The following TNRC18 variants were observed in gnomAD, a reference collection of about 807,000 sequenced individuals.
The protein encoded by TNRC18 is trinucleotide repeat containing 18.
Under a neutral mutation model 226.7 loss-of-function variants are expected in TNRC18, and 69 were observed. The observed-to-expected ratio is 0.30, with a 90% CI of 0.25 to 0.37. TNRC18 has a LOEUF of 0.37. Among genes scored for constraint, TNRC18 ranks in the 10% least tolerant of loss-of-function variants. TNRC18 has a pLI of 1.00. For missense variants in TNRC18, 4,754 were observed against 4,256.6 expected (o/e 1.12, Z -3.25); for synonymous variants, 2,449 against 1,927.6 (o/e 1.27, Z -7.09).
In TNRC18 at chr7:5,362,574, G is replaced by T. The variant is rs1328906837; in HGVS notation, c.4395+76C>A. The stretch of plus-strand genomic sequence containing the variant: ...GCCAAAGCCAGCCACGCCCCAGGCA[G>T]TAGGGCACCTCCACAGAGGGGCCTC... On this transcript the variant is annotated intron_variant, in intron 12 of 29. Coordinates refer to ENST00000430969, the MANE Select transcript of TNRC18 (RefSeq NM_001080495.3). 2.9e-6 allele frequency: 4 copies of T among 1,375,306 alleles called. No homozygotes were observed. In the South Asian group the frequency reaches 5.9e-5, roughly 20 times the overall value. 85.2% of individuals were successfully genotyped at this position (1,375,306 alleles called of 1,614,324 possible). A position where few individuals can be genotyped will look rare whatever the true frequency, so the allele number is the denominator to read the frequency against.
intron 21 of TNRC18, among the ~76,000 whole-genome samples, chr7:5,322,346 T>C (rs1163731035): frequency 6.6e-6 from 1 of 152,044 alleles, no homozygotes; most frequent in Non-Finnish European, 1.5e-5. Context: ...TCATCCAGCC[T>C]ACAGTGCAGT....
At chr7:5,408,266 T>TCCAGCCTGG (rs1781609484) in intron 2 of TNRC18, among the ~76,000 whole-genome samples, 1 of 139,578 alleles carries the variant, frequency 7.2e-6, no homozygotes, top group South Asian at 2.2e-4. Flanking sequence ...GCCACTGCAC[T>TCCAGCCTGG]CCAGCCTGGC....
chr7:5,412,901 C>T (rs1438780983), intron 2 of TNRC18, among the ~76,000 whole-genome samples: 3 of 152,166 alleles, frequency 2.0e-5, no homozygotes, highest in Non-Finnish European at 4.4e-5. Flanking sequence ...TTGCTTATCC[C>T]CTGAAAAAAC....
rs759667808 is a variant in TNRC18, at chr7:5,376,722, G to A, written c.2608+125C>T. ...GCAACAGATGTTCTCTCTGAACCCC[G>A]GTCCGCCTCCCCAGCCCCAGATCTG... On this transcript the variant is annotated intron_variant, in intron 8 of 29. Transcript: ENST00000430969. The A allele has an allele frequency of 9.4e-5, 111 of 1,176,538 alleles. 1 individual carries two copies. The highest frequency in any genetic ancestry group is 2.6e-4 in the African/African-American group (17 of 64,704). 72.9% of individuals were successfully genotyped at this position (1,176,538 alleles called of 1,614,324 possible). A position where few individuals can be genotyped will look rare whatever the true frequency, so the allele number is the denominator to read the frequency against.
At position 5,390,958 on chromosome 7, in the gene TNRC18, A is replaced by G. The variant is rs183722530; in HGVS notation, c.344-330T>C. Reference sequence around the variant, plus strand: ...CATCCTCATTTAAACCTCAAAAACAACCTATAAGGAAGAGACTTAATGTCC... The same window carrying G: ...CATCCTCATTTAAACCTCAAAAACAGCCTATAAGGAAGAGACTTAATGTCC... On this transcript the variant is annotated intron_variant, in intron 3 of 29. Transcript: ENST00000430969. Among the ~76,000 whole-genome samples, 58 of 152,192 alleles carry G rather than the reference A, an allele frequency of 3.8e-4. No homozygotes were observed. The East Asian group carries it at 0.01, about 26-fold the overall frequency.
chr7:5,370,916 A>G lies in TNRC18; in HGVS notation c.3678T>C (p.Pro1226=), dbSNP rs367837514. ...PSECPDFVEG[P]EPRVDSPGRT... ...GGCCCGGGGAATCCACCCGTGGTTC[A>G]GGCCCCTCCACAAAGTCTGGACACT... Residue 1226 remains proline, a synonymous_variant, in exon 11 of 30, where the codon CCT becomes CCC. Coordinates refer to ENST00000430969, the MANE Select transcript of TNRC18 (RefSeq NM_001080495.3). The G allele has an allele frequency of 8.1e-6, 13 of 1,605,554 alleles. No individual in the cohort carries two copies. The highest frequency in any genetic ancestry group is 1.7e-5 in the Admixed American group (1 of 60,020).
Position 5,320,515 on chromosome 7 carries a change from C to T in TNRC18, c.6636+17G>A, listed in dbSNP as rs374605459. The T allele has an allele frequency of 6.9e-6, 11 of 1,602,248 alleles. No individual in the cohort carries two copies. The highest frequency in any genetic ancestry group is 6.7e-5 in the African/African-American group (5 of 74,614). On this transcript the variant is annotated intron_variant, in intron 23 of 29. Coordinates refer to ENST00000430969, the MANE Select transcript of TNRC18 (RefSeq NM_001080495.3). ...GCCCACCCCGAGCCTCCCGAGGCCC[C>T]GCCCCTCCCCCCTCACCGCCTCCTG...
Position 5,345,517 on chromosome 7 carries a change from G to GCCCACC in TNRC18, c.5719+44_5719+45insGGTGGG. 1.9e-5 allele frequency: 7 copies of GCCCACC among 377,744 alleles called. No homozygotes were observed. The South Asian group carries it at 2.2e-4, about 12-fold the overall frequency. The allele number at this position is 377,744 out of a possible 1,614,324, so 23.4% of individuals were successfully genotyped here. Reference sequence around the variant, plus strand: ...CCTGTGGGATGGGGCAATGGCGTCCGCCCCTCCCACCCACCCCCACCGCAG... The same window carrying GCCCACC: ...CCTGTGGGATGGGGCAATGGCGTCCGCCCACCCCCCTCCCACCCACCCCCACCGCAG... On this transcript the variant is annotated intron_variant, in intron 18 of 29. Coordinates refer to ENST00000430969, the MANE Select transcript of TNRC18 (RefSeq NM_001080495.3).
chr7:5,314,073 C>T (rs1196442588), intron 26 of TNRC18, among the ~76,000 whole-genome samples: 1 of 152,002 alleles, frequency 6.6e-6, no homozygotes, highest in Non-Finnish European at 1.5e-5. Flanking sequence ...AGCCTCCAGC[C>T]TCAGTCTCCC....
At chr7:5,340,933 C>G (rs540684400) in intron 18 of TNRC18, among the ~76,000 whole-genome samples, 1 of 152,264 alleles carries the variant, frequency 6.6e-6, no homozygotes, top group South Asian at 2.1e-4. Context: ...AAGATGCCAT[C>G]TAAGGCTATC....
intron 2 of TNRC18, chr7:5,420,355 C>T (rs947827456): frequency 2.2e-6 from 1 of 456,090 alleles, no homozygotes; most frequent in South Asian, 1.5e-5. Flanking sequence ...CGCGATGGTC[C>T]GGTTTCGGTG....
rs1315651436 is a variant in TNRC18, at chr7:5,309,813, G to A, written c.8389-445C>T. Among the ~76,000 whole-genome samples the A allele has an allele frequency of 6.6e-6, 1 of 152,180 alleles. No homozygotes were observed. The highest frequency in any genetic ancestry group is 6.5e-5 in the Admixed American group (1 of 15,282). ...AACAAGGTCTCACTATGTTGCCCAG[G>A]ATGGTCTCAGACTTTTGGCCTCAAA... On this transcript the variant is annotated intron_variant, in intron 27 of 29. Coordinates refer to ENST00000430969, the MANE Select transcript of TNRC18 (RefSeq NM_001080495.3). The surrounding 1 kb of genome is among the most constrained non-coding windows in gnomAD (Gnocchi z 5.7).
rs760529627 is a variant in TNRC18 at position 5,332,749 on chromosome 7, G to A, written c.6020C>T (p.Ala2007Val). 6.6e-7 allele frequency: 1 copy of A among 1,521,250 alleles called. No individual in the cohort carries two copies. The highest frequency in any genetic ancestry group is 2.0e-5 in the Admixed American group (1 of 49,220). 94.2% of individuals were successfully genotyped at this position (1,521,250 alleles called of 1,614,324 possible). Reference sequence around the variant, plus strand: ...GACGGGCGCAGGTGCAGCAGCCGAGGCGTCGTGCAGGAAGATGCGCTCGCT... The same window carrying A: ...GACGGGCGCAGGTGCAGCAGCCGAGACGTCGTGCAGGAAGATGCGCTCGCT... Reference protein sequence around the residue: ...RRSERIFLHDASAAAPAPVST... With the variant: ...RRSERIFLHDVSAAAPAPVST... The change falls in exon 19 of 30, where the codon GCC becomes GTC. Residue 2007 changes from alanine to valine, a missense_variant. Physicochemically the swap from Ala to Val is moderately conservative, Grantham distance 64. Coordinates refer to ENST00000430969, the MANE Select transcript of TNRC18 (RefSeq NM_001080495.3).
chr7:5,399,022 A>G (rs1025079744), intron 2 of TNRC18, among the ~76,000 whole-genome samples: 6 of 152,276 alleles, frequency 3.9e-5, no homozygotes, highest in South Asian at 4.1e-4. Flanking sequence ...AAGAGGCTCT[A>G]AAATAAACCC....
intron 2 of TNRC18, among the ~76,000 whole-genome samples, chr7:5,413,111 G>C (rs537679303): frequency 6.6e-6 from 1 of 152,306 alleles, no homozygotes; most frequent in South Asian, 2.1e-4. Context: ...GCTGAGAACA[G>C]CTCCAGCCCA....
chr7:5,376,878 C>T lies in TNRC18; in HGVS notation c.2577G>A (p.Val859=). 1.2e-6 allele frequency: 2 copies of T among 1,611,594 alleles called. No individual in the cohort carries two copies. Among genetic ancestry groups the T allele is most frequent in the Non-Finnish European group, 1.7e-6 (2 of 1,178,918 alleles). ...GAGGAAGGTGATCACTGGGAATGAC[C>T]ACCAGCTGGCCCGATTGGGGGTCCC... is the stretch of plus-strand genomic sequence containing the variant. ...FVRDPQSGQL[V]VIPSDHLPHF... The change falls in exon 8 of 30, where the codon GTG becomes GTA. Residue 859 remains valine (V), a synonymous_variant. Transcript: ENST00000430969.
At chr7:5,343,641 G>A (rs927540073) in intron 18 of TNRC18, among the ~76,000 whole-genome samples, 10 of 152,234 alleles carry the variant, frequency 6.6e-5, no homozygotes, top group South Asian at 2.1e-4. Context: ...TGCCCAGGCC[G>A]GTCTTGAACT....
chr7:5,395,981 A>C (rs1391052357), intron 2 of TNRC18, among the ~76,000 whole-genome samples: 5 of 145,842 alleles, frequency 3.4e-5, no homozygotes, highest in Non-Finnish European at 7.4e-5. Flanking sequence ...TGGGCGACAG[A>C]GAGAGACTCC....
rs1341618547 is a variant in TNRC18, at chr7:5,390,558, A to G, written c.414T>C (p.Ser138=). Residue 138 remains serine (S), a synonymous_variant, in exon 4 of 30, where the codon AGT becomes AGC. Transcript: ENST00000430969. ...CCAGCTGGCTGAGGAGGGGGCTCCC[A>G]CTGCTGGGGGGCTCCAGGTGGTTCA... ...LHLNHLEPPS[S]GSPLLSQLGQ... 9 of 1,612,930 alleles carry G rather than the reference A, an allele frequency of 5.6e-6. No homozygotes were observed. The highest frequency in any genetic ancestry group is 3.3e-5 in the Admixed American group (2 of 59,872).
Sources: allele counts gnomAD v4.1 joint callset (sites outside exome capture counted in the v4.1 genomes callset), GRCh38; gene constraint gnomAD v4.1.1; non-coding constraint Gnocchi (gnomAD v3.1); transcripts MANE v1.5; gene names NCBI Gene and HGNC (gene_info 2026-07-23, HGNC 2026-07-21).